The following HS3ST3A1 variants were observed in gnomAD, a reference collection of about 807,000 sequenced individuals.
The protein encoded by HS3ST3A1 is heparan sulfate-glucosamine 3-sulfotransferase 3A1.
HS3ST3A1 carries 19 observed loss-of-function variants against 25.7 expected under a neutral mutation model. That is an observed-to-expected ratio of 0.74 (90% confidence interval 0.52 to 1.08). HS3ST3A1 has a LOEUF of 1.08. Ranked by LOEUF, HS3ST3A1 falls within the 50% of genes least tolerant of loss-of-function variation. HS3ST3A1 has a pLI of 0.00. For missense variants in HS3ST3A1, 459 were observed against 594.3 expected, an observed-to-expected ratio of 0.77 and a Z score of 2.37; for synonymous variants, 226 against 278.6, an observed-to-expected ratio of 0.81 and a Z score of 1.88.
At chr17:13,557,215 A>G (rs1048733227) in intron 1 of HS3ST3A1, among the ~76,000 whole-genome samples, 1 of 152,148 alleles carries the variant, frequency 6.6e-6, no homozygotes, top group African/African-American at 2.4e-5. Context: ...TCCCCTCTTC[A>G]CAGTTGCTGA....
chr17:13,510,728 G>A (rs1484488681), intron 1 of HS3ST3A1, among the ~76,000 whole-genome samples: 2 of 147,508 alleles, frequency 1.4e-5, no homozygotes, highest in South Asian at 2.1e-4. Context: ...TTTTTTATAC[G>A]AAGTCTTGCT....
chr17:13,572,512 A>G (rs12940889), intron 1 of HS3ST3A1, among the ~76,000 whole-genome samples: 107,766 of 152,152 alleles, frequency 0.71, 39,223 homozygotes, highest in Non-Finnish European at 0.8. Context: ...GCATCAAGGG[A>G]GGCCAGCAGA....
chr17:13,499,418 T>A (rs1350736767), intron 1 of HS3ST3A1, among the ~76,000 whole-genome samples: 1 of 152,366 alleles, frequency 6.6e-6, no homozygotes, highest in East Asian at 1.9e-4. Flanking sequence ...AATCATCAAC[T>A]ACACTGAAGT....
In HS3ST3A1 at chr17:13,494,398, A is replaced by G. The variant is rs926999607; in HGVS notation, c.*1799T>C. 4.6e-5 allele frequency among the ~76,000 whole-genome samples: 7 copies of G among 152,244 alleles called. No homozygotes were observed. The highest frequency in any genetic ancestry group is 1.3e-4 in the Admixed American group (2 of 15,284). ...GCAATGACAAAATATCTAACACTTA[A>G]AATATTTTTTCCTTCATTTTAATCC... is the stretch of plus-strand genomic sequence containing the variant. On this transcript the variant is annotated 3_prime_UTR_variant, in exon 2 of 2. Transcript: ENST00000284110.
chr17:13,506,368 T>C (rs1905675691), intron 1 of HS3ST3A1, among the ~76,000 whole-genome samples: 2 of 152,210 alleles, frequency 1.3e-5, no homozygotes, highest in African/African-American at 4.8e-5. Context: ...TTTCCACCTC[T>C]AAGATTCCAT....
intron 1 of HS3ST3A1, among the ~76,000 whole-genome samples, chr17:13,575,600 G>C (rs1473782281): frequency 6.6e-6 from 1 of 152,160 alleles, no homozygotes; most frequent in African/African-American, 2.4e-5. Flanking sequence ...CTGTATCTGA[G>C]GTTCCCAGAT....
chr17:13,559,614 A>G (rs991459925), intron 1 of HS3ST3A1, among the ~76,000 whole-genome samples: 4 of 150,146 alleles, frequency 2.7e-5, no homozygotes, highest in Non-Finnish European at 4.4e-5. Context: ...ATTATTGGCT[A>G]ATTTATTTAT....
chr17:13,522,935 C>T (rs1280594081), intron 1 of HS3ST3A1, among the ~76,000 whole-genome samples: 1 of 151,148 alleles, frequency 6.6e-6, no homozygotes, highest in African/African-American at 2.4e-5. Flanking sequence ...TTGTGGTAAC[C>T]ATAGAACACA....
At chr17:13,535,552 G>A (rs1390337414) in intron 1 of HS3ST3A1, among the ~76,000 whole-genome samples, 1 of 152,146 alleles carries the variant, frequency 6.6e-6, no homozygotes, top group Non-Finnish European at 1.5e-5. Context: ...CTGTGAAAGT[G>A]CTACAAGTCT....
intron 1 of HS3ST3A1, among the ~76,000 whole-genome samples, chr17:13,559,485 A>T (rs1293574105): frequency 6.7e-6 from 1 of 149,498 alleles, no homozygotes; most frequent in African/African-American, 2.4e-5. Flanking sequence ...TTCTATATAA[A>T]ATTTAATTAT....
At chr17:13,518,627 A>G (rs1374585548) in intron 1 of HS3ST3A1, among the ~76,000 whole-genome samples, 1 of 152,232 alleles carries the variant, frequency 6.6e-6, no homozygotes, top group African/African-American at 2.4e-5. Context: ...GCTTTGGCCA[A>G]TGGAACATTA....
intron 1 of HS3ST3A1, among the ~76,000 whole-genome samples, chr17:13,517,754 C>T (rs535654143): frequency 1.1e-4 from 16 of 152,050 alleles, no homozygotes; most frequent in Non-Finnish European, 1.9e-4. Flanking sequence ...CAGGTTCAAG[C>T]GATTCTCCTG....
intron 1 of HS3ST3A1, among the ~76,000 whole-genome samples, chr17:13,597,158 T>G (rs2142399170): frequency 6.6e-6 from 1 of 152,290 alleles, no homozygotes; most frequent in South Asian, 2.1e-4. Context: ...TTTCCTATCT[T>G]GTACCAAAAT....
intron 1 of HS3ST3A1, among the ~76,000 whole-genome samples, chr17:13,527,376 A>C (rs1906465099): frequency 6.6e-6 from 1 of 152,186 alleles, no homozygotes; most frequent in African/African-American, 2.4e-5. Context: ...ATACTTTTAA[A>C]ATTCCCCTAA....
chr17:13,593,444 CTG>C (rs1908488775), intron 1 of HS3ST3A1, among the ~76,000 whole-genome samples: 1 of 152,130 alleles, frequency 6.6e-6, no homozygotes, highest in Non-Finnish European at 1.5e-5. Flanking sequence ...AAAACTGTCT[CTG>C]TGCTTGGTTC....
chr17:13,582,484 T>C (rs1271264292), intron 1 of HS3ST3A1, among the ~76,000 whole-genome samples: 1 of 152,198 alleles, frequency 6.6e-6, no homozygotes, highest in East Asian at 1.9e-4. Flanking sequence ...GAAGTCCAAA[T>C]CAATATACTC....
intron 1 of HS3ST3A1, among the ~76,000 whole-genome samples, chr17:13,530,788 T>C (rs1906582751): frequency 2.6e-5 from 4 of 152,138 alleles, no homozygotes; most frequent in Admixed American, 2.6e-4. Context: ...CAGTTTTCTG[T>C]ATGTGGCTTT....
At chr17:13,534,593 T>C (rs1906712582) in intron 1 of HS3ST3A1, among the ~76,000 whole-genome samples, 1 of 133,050 alleles carries the variant, frequency 7.5e-6, no homozygotes. Context: ...CCGGGCATGG[T>C]GGCATGCACC....
Position 13,600,928 on chromosome 17 carries a change from C to A in HS3ST3A1, c.202G>T (p.Gly68Cys). Residue 68 changes from glycine (G) to cysteine (C), a missense_variant, in exon 1 of 2, where the codon GGC (glycine) becomes TGC (cysteine). Gly to Cys is a radical substitution (Grantham distance 159). Around this residue, in one of 3 missense-constraint regions of HS3ST3A1, gnomAD observed 346 missense variants for 303.9 expected, o/e 1.14. Coordinates refer to ENST00000284110, the MANE Select transcript of HS3ST3A1 (RefSeq NM_006042.3). ...GGGEEAGAPG[G>C]GVLAGGPREL... ...CTCGGGCCTCCGGCCAGGACGCCGC[C>A]ACCAGGGGCCCCCGCCTCCTCGCCG... 6.5e-7 allele frequency: 1 copy of A among 1,530,462 alleles called. No individual in the cohort carries two copies. Among genetic ancestry groups the A allele is most frequent in the South Asian group, 1.2e-5 (1 of 82,468 alleles). The allele number at this position is 1,530,462 out of a possible 1,614,324, so 94.8% of individuals were successfully genotyped here.
Sources: allele counts gnomAD v4.1 joint callset (sites outside exome capture counted in the v4.1 genomes callset), GRCh38; gene constraint gnomAD v4.1.1; regional missense constraint gnomAD v4.1.1; transcripts MANE v1.5; gene names NCBI Gene and HGNC (gene_info 2026-07-23, HGNC 2026-07-21).